The following ANKRD31 variants were observed in gnomAD, a reference collection of about 807,000 sequenced individuals.
The protein encoded by ANKRD31 is ankyrin repeat domain 31, also known as ankyrin repeat domain-containing protein 31.
A neutral mutation model predicts 186.0 loss-of-function variants in ANKRD31; 147 were observed. The ratio of observed to expected loss-of-function variants is 0.79; its 90% CI spans 0.69 to 0.91. The LOEUF is 0.91. ANKRD31 is among the 40% of genes least tolerant of loss of function. ANKRD31 has a pLI of 0.00. For synonymous variants in ANKRD31, 673 were observed against 736.4 expected (o/e 0.91, Z 1.39); for missense variants, 1,986 against 2,148.8 (o/e 0.92, Z 1.50).
At chr5:75,199,092 T>C (rs965834256) in intron 6 of ANKRD31, among the ~76,000 whole-genome samples, 7 of 152,238 alleles carry the variant, frequency 4.6e-5, no homozygotes, top group South Asian at 2.1e-4. Context: ...CCTACAGTCC[T>C]AGCTACTGGG....
chr5:75,115,490 A>C (rs368682140), intron 19 of ANKRD31, among the ~76,000 whole-genome samples: 8,184 of 151,034 alleles, frequency 0.054, 499 homozygotes, highest in African/African-American at 0.15. Flanking sequence ...AATGGGAGAA[A>C]ATTTTTGCAA....
chr5:75,074,167 T>C (rs947166317), intron 25 of ANKRD31, among the ~76,000 whole-genome samples: 1 of 152,150 alleles, frequency 6.6e-6, no homozygotes, highest in African/African-American at 2.4e-5. Context: ...GGTAAACCCA[T>C]GGAAATGAAG....
In ANKRD31 at chr5:75,179,951, T is replaced by C. The variant is rs544578228; in HGVS notation, c.1564+8542A>G. ...AAAGAAGAAGTCAAATTGTCCCTGT[T>C]TTCAGATGACATGATTGTATATATA... On this transcript the variant is annotated intron_variant, in intron 10 of 25. Coordinates refer to ENST00000506364, the MANE Select transcript of ANKRD31 (RefSeq NM_001372053.1). 3.3e-5 allele frequency among the ~76,000 whole-genome samples: 5 copies of C among 152,304 alleles called. No individual in the cohort carries two copies. The South Asian group carries it at 1.0e-3, about 32-fold the overall frequency.
At chr5:75,076,028 G>C (rs1744612731) in intron 25 of ANKRD31, among the ~76,000 whole-genome samples, 1 of 149,042 alleles carries the variant, frequency 6.7e-6, no homozygotes, top group African/African-American at 2.5e-5. Context: ...TAGGGTTATG[G>C]AATGAAACAT....
chr5:75,165,748 T>C (rs1390698965), intron 11 of ANKRD31, among the ~76,000 whole-genome samples: 1 of 152,134 alleles, frequency 6.6e-6, no homozygotes, highest in South Asian at 2.1e-4. Context: ...GGAAATTCTA[T>C]AGGACAAATA....
At position 75,091,349 on chromosome 5, in the gene ANKRD31, C is replaced by T. The variant is rs1392676443; in HGVS notation, c.5384G>A (p.Ser1795Asn). 3.3e-6 allele frequency: 5 copies of T among 1,537,072 alleles called. No individual in the cohort carries two copies. Among genetic ancestry groups the T allele is most frequent in the South Asian group, 1.2e-5 (1 of 84,040 alleles). ...GACTGGGTTTTTATAAATCTGACCA[C>T]TTTCTACCTTAAGTTTACCATTCAA... ...ILLNGKLKVE[S>N]GQIYKNPVTW... is the part of the protein sequence containing the mutation. Residue 1795 changes from serine to asparagine, a missense_variant, in exon 23 of 26, where the codon AGT (serine) becomes AAT (asparagine). Physicochemically the swap from Ser to Asn is conservative, Grantham distance 46. Transcript: ENST00000506364.
At position 75,169,141 on chromosome 5, in the gene ANKRD31, G is replaced by A. The variant is rs777526711; in HGVS notation, c.1565-20C>T. 5.2e-5 allele frequency: 79 copies of A among 1,526,798 alleles called. No individual in the cohort carries two copies. The highest frequency in any genetic ancestry group is 5.2e-5 in the Non-Finnish European group (59 of 1,139,328). 94.6% of individuals were successfully genotyped at this position (1,526,798 alleles called of 1,614,324 possible). Reference sequence around the variant, plus strand: ...TCCAACCTATCATACAAAAAGATACGGCATTTGTTTACATTTGGCATCTTA... The same window carrying A: ...TCCAACCTATCATACAAAAAGATACAGCATTTGTTTACATTTGGCATCTTA... On this transcript the variant is annotated intron_variant, in intron 10 of 25. Coordinates refer to ENST00000506364, the MANE Select transcript of ANKRD31 (RefSeq NM_001372053.1).
intron 3 of ANKRD31, among the ~76,000 whole-genome samples, chr5:75,215,169 A>G (rs1452308917): frequency 6.6e-6 from 1 of 152,150 alleles, no homozygotes; most frequent in African/African-American, 2.4e-5. Context: ...ATCTAAAGAC[A>G]GTCTGCTGTA....
chr5:75,187,732 G>C (rs1057082133), intron 10 of ANKRD31, among the ~76,000 whole-genome samples: 1 of 152,102 alleles, frequency 6.6e-6, no homozygotes, highest in African/African-American at 2.4e-5. Context: ...CCCAGGCTTT[G>C]CTAAGGTAAA....
intron 14 of ANKRD31, 119 bp downstream of exon 14, chr5:75,145,868 C>T: frequency 1.1e-6 from 1 of 884,648 alleles, no homozygotes; most frequent in Non-Finnish European, 1.6e-6. Context: ...CAAAATATGG[C>T]CCACATGTCC....
chr5:75,220,551 A>G (rs1219745448), intron 3 of ANKRD31, among the ~76,000 whole-genome samples: 1 of 151,968 alleles, frequency 6.6e-6, no homozygotes, highest in Non-Finnish European at 1.5e-5. Context: ...CTGAGGCAGG[A>G]GAATCACTTG....
At chr5:75,150,296 C>T (rs1580436336) in intron 12 of ANKRD31, among the ~76,000 whole-genome samples, 1 of 151,860 alleles carries the variant, frequency 6.6e-6, no homozygotes, top group South Asian at 2.1e-4. Context: ...GCTAGAAAAG[C>T]AGCAAATATA....
At chr5:75,140,866 G>A (rs566642491) in intron 15 of ANKRD31, among the ~76,000 whole-genome samples, 3 of 152,112 alleles carry the variant, frequency 2.0e-5, no homozygotes, top group Non-Finnish European at 4.4e-5. Flanking sequence ...TTCCCTAGTA[G>A]AGCCTTCAGA....
intron 11 of ANKRD31, among the ~76,000 whole-genome samples, chr5:75,156,097 G>A (rs1237536472): frequency 6.6e-6 from 1 of 152,042 alleles, no homozygotes; most frequent in Non-Finnish European, 1.5e-5. Flanking sequence ...TAGAGATGGG[G>A]TTTCGCCTTG....
chr5:75,119,244 C>T (rs1748553917), intron 17 of ANKRD31, among the ~76,000 whole-genome samples: 3 of 152,098 alleles, frequency 2.0e-5, no homozygotes, highest in Non-Finnish European at 4.4e-5. Context: ...TCAACTCTTG[C>T]CGTCCTCCCT....
In ANKRD31 at chr5:75,131,321, G is replaced by A. The variant is rs145029052; in HGVS notation, c.3876+6535C>T. ...GAGAGCGAGCGAGGGTTGCTAGCAC[G>A]TTATCACCTCTCATTAGCAAACAGC... On this transcript the variant is annotated intron_variant, in intron 17 of 25. Coordinates refer to ENST00000506364, the MANE Select transcript of ANKRD31 (RefSeq NM_001372053.1). Among the ~76,000 whole-genome samples, 14 of 152,078 alleles carry A rather than the reference G, an allele frequency of 9.2e-5. No homozygotes were observed. In the East Asian group the frequency reaches 2.5e-3, roughly 28 times the overall value.
rs1353849982 is a variant in ANKRD31, at chr5:75,188,512, A to G, written c.1545T>C (p.Val515=). ...VHHCIKKGGN[V]NQPSYAGWTA... is the part of the protein sequence containing the mutation. ...ACTTACCAGCATAACTTGGCTGATT[A>G]ACATTTCCACCTTTTTTTATACAAT... The change falls in exon 10 of 26, where the codon GTT becomes GTC. Residue 515 remains valine, a synonymous_variant. Coordinates refer to ENST00000506364, the MANE Select transcript of ANKRD31 (RefSeq NM_001372053.1). 2 of 1,535,916 alleles carry G rather than the reference A, an allele frequency of 1.3e-6. No homozygotes were observed. Among genetic ancestry groups the G allele is most frequent in the Non-Finnish European group, 1.7e-6 (2 of 1,146,366 alleles).
At chr5:75,141,928 T>G (rs568017853) in intron 15 of ANKRD31, among the ~76,000 whole-genome samples, 1 of 152,138 alleles carries the variant, frequency 6.6e-6, no homozygotes, top group East Asian at 1.9e-4. Context: ...ACTCAAAAAC[T>G]TCTCAATGTT....
chr5:75,146,295 G>T lies in ANKRD31; in HGVS notation c.3116C>A (p.Pro1039His). The T allele has an allele frequency of 6.5e-7, 1 of 1,536,436 alleles. No homozygotes were observed. The highest frequency in any genetic ancestry group is 8.7e-7 in the Non-Finnish European group (1 of 1,146,496). Residue 1039 changes from proline (P) to histidine (H), a missense_variant, in exon 14 of 26, where the codon CCC (proline) becomes CAC (histidine). Pro to His is a moderately conservative substitution (Grantham distance 77). Transcript: ENST00000506364. ...ELFKKPQDYI[P>H]RAPTFLMNQT... ...ATTCATTAAAAAAGTTGGTGCTCTG[G>T]GAATATAATCCTGTGGCTTTTTGAA...
Sources: allele counts gnomAD v4.1 joint callset (sites outside exome capture counted in the v4.1 genomes callset), GRCh38; gene constraint gnomAD v4.1.1; transcripts MANE v1.5; gene names NCBI Gene and HGNC (gene_info 2026-07-23, HGNC 2026-07-21).